The following CSMD3 variants were observed in gnomAD, a reference collection of about 807,000 sequenced individuals.
CSMD3 encodes the protein CUB and Sushi multiple domains 3.
In CSMD3, 177 loss-of-function variants were observed where a neutral mutation model predicts 435.2. The observed-to-expected ratio is 0.41, with a 90% CI of 0.36 to 0.46. CSMD3 has a LOEUF of 0.46. Among genes scored for constraint, CSMD3 ranks in the 20% least tolerant of loss-of-function variants. The pLI is 0.34. For missense variants in CSMD3, 4,265 were observed against 4,504.6 expected, an observed-to-expected ratio of 0.95 and a Z score of 1.52; for synonymous variants, 1,656 against 1,520.5, an observed-to-expected ratio of 1.09 and a Z score of -2.07.
At chr8:112,943,119 T>C (rs1230007035) in intron 9 of CSMD3, among the ~76,000 whole-genome samples, 2 of 151,742 alleles carry the variant, frequency 1.3e-5, no homozygotes, top group African/African-American at 4.8e-5. Flanking sequence ...TGCTGTCTCA[T>C]ATATCTTCTT....
chr8:112,993,071 C>T (rs1215409887), intron 6 of CSMD3, among the ~76,000 whole-genome samples: 2 of 151,600 alleles, frequency 1.3e-5, no homozygotes, highest in Non-Finnish European at 2.9e-5. Context: ...GAGTCAAGAG[C>T]AGGATCCATG....
chr8:113,288,394 A>G (rs2093661318), intron 2 of CSMD3, among the ~76,000 whole-genome samples: 1 of 151,916 alleles, frequency 6.6e-6, no homozygotes, highest in Non-Finnish European at 1.5e-5. Flanking sequence ...TTTGATCTTC[A>G]GGATCAACAT....
At chr8:112,819,797 G>T (rs1327414209) in intron 12 of CSMD3, among the ~76,000 whole-genome samples, 1 of 152,204 alleles carries the variant, frequency 6.6e-6, no homozygotes, top group African/African-American at 2.4e-5. Context: ...TTTATACTTT[G>T]ATAGACTACA....
intron 1 of CSMD3, among the ~76,000 whole-genome samples, chr8:113,353,953 T>G (rs1381989647): frequency 6.6e-6 from 1 of 152,214 alleles, no homozygotes. Context: ...GACATCCTTT[T>G]TGTCTCCTAC....
intron 63 of CSMD3, among the ~76,000 whole-genome samples, chr8:112,249,660 C>T (rs1815086259): frequency 6.6e-6 from 1 of 152,068 alleles, no homozygotes; most frequent in South Asian, 2.1e-4. Context: ...CAAAGGCCTC[C>T]ATAACTGAGA....
intron 41 of CSMD3, among the ~76,000 whole-genome samples, chr8:112,343,091 G>A (rs1228635548): frequency 1.4e-5 from 2 of 141,922 alleles, no homozygotes; most frequent in Admixed American, 1.4e-4. Context: ...AAAGAGTATG[G>A]TTATTAAAAT....
chr8:112,517,990 A>T (rs1000745503), intron 27 of CSMD3, among the ~76,000 whole-genome samples: 4 of 152,190 alleles, frequency 2.6e-5, no homozygotes, highest in Non-Finnish European at 5.9e-5. Context: ...TTTATCCATA[A>T]TTGCTAATAA....
At chr8:112,380,554 A>C in intron 37 of CSMD3, 98 bp from the exon 38 acceptor site, 1 of 720,704 alleles carries the variant, frequency 1.4e-6, no homozygotes, top group South Asian at 1.5e-5. Flanking sequence ...TACCACTAAA[A>C]ATATGCATTA....
chr8:112,429,434 G>A (rs1563935266), intron 32 of CSMD3, among the ~76,000 whole-genome samples: 2 of 151,420 alleles, frequency 1.3e-5, no homozygotes, highest in African/African-American at 2.4e-5. Context: ...AAGCAAAAAA[G>A]ATATATATAT....
intron 3 of CSMD3, among the ~76,000 whole-genome samples, chr8:113,233,703 T>C (rs2093115990): frequency 6.6e-6 from 1 of 151,618 alleles, no homozygotes; most frequent in African/African-American, 2.4e-5. Context: ...TAAGAAAAGT[T>C]GAGAAGGAAA....
chr8:112,911,978 T>C (rs2082432351), intron 10 of CSMD3, among the ~76,000 whole-genome samples: 1 of 149,580 alleles, frequency 6.7e-6, no homozygotes, highest in Non-Finnish European at 1.5e-5. Context: ...ATTGCTTTTA[T>C]ACCTTCCTTT....
At position 112,311,029 on chromosome 8, in the gene CSMD3, T is replaced by G; in HGVS notation, c.7834A>C (p.Lys2612Gln). The G allele has an allele frequency of 6.2e-7, 1 of 1,614,110 alleles. No homozygotes were observed. The highest frequency in any genetic ancestry group is 8.5e-7 in the Non-Finnish European group (1 of 1,180,016). ...CATGCATGATACCCATAGGAAGACT[T>G]TCTGCACACAGCACTGCTTTTTCCA... ...LVGKSSAVCRKSSYGYHAWDA... is the reference protein window; with the variant it reads ...LVGKSSAVCRQSSYGYHAWDA... Residue 2612 changes from lysine to glutamine, a missense_variant, in exon 50 of 71, where the codon AAG becomes CAG. This residue lies in a region of CSMD3 where 3,255 missense variants were observed against 3,380.2 expected (regional missense o/e 0.96). Transcript: ENST00000297405.
At chr8:113,167,991 G>A (rs958287279) in intron 4 of CSMD3, among the ~76,000 whole-genome samples, 4 of 152,096 alleles carry the variant, frequency 2.6e-5, no homozygotes, top group Admixed American at 6.6e-5. Context: ...GTTTGAAAAT[G>A]AACTCAGTCA....
Position 113,205,197 on chromosome 8 carries a change from G to T in CSMD3, c.515-31281C>A, listed in dbSNP as rs538111717. ...GGGGTTTCACCATGTTGGCCAGGCT[G>T]GTCTCTAACTCCTGACCTCAGGTGA... On this transcript the variant is annotated intron_variant, in intron 3 of 70. Transcript: ENST00000297405. Among the ~76,000 whole-genome samples the T allele has an allele frequency of 1.3e-3, 203 of 152,216 alleles. 1 individual carries two copies. The highest frequency in any genetic ancestry group is 4.7e-3 in the African/African-American group (197 of 41,558).
chr8:112,966,062 A>T (rs1307059209), intron 7 of CSMD3, among the ~76,000 whole-genome samples: 1 of 151,808 alleles, frequency 6.6e-6, no homozygotes, highest in Admixed American at 6.6e-5. Flanking sequence ...GTATGGCAGG[A>T]TATTGATAAA....
At chr8:112,893,397 T>C in intron 10 of CSMD3, among the ~76,000 whole-genome samples, 1 of 151,476 alleles carries the variant, frequency 6.6e-6, no homozygotes, top group Non-Finnish European at 1.5e-5. Flanking sequence ...AGAGTTCTGA[T>C]TTAAGTGCAA....
intron 35 of CSMD3, 26 bp from the exon 36 acceptor site, chr8:112,390,814 G>T (rs1408583708): frequency 1.2e-6 from 2 of 1,608,746 alleles, no homozygotes; most frequent in Non-Finnish European, 1.7e-6. Context: ...TCCAAGAGAG[G>T]GAGTTAATTC....
chr8:112,495,387 A>G, intron 30 of CSMD3, among the ~76,000 whole-genome samples: 1 of 152,200 alleles, frequency 6.6e-6, no homozygotes, highest in East Asian at 1.9e-4. Context: ...TCAATGTTTC[A>G]ATATAATGTC....
intron 5 of CSMD3, among the ~76,000 whole-genome samples, chr8:113,035,238 TAGGG>T (rs1453214158): frequency 1.3e-5 from 2 of 151,868 alleles, no homozygotes; most frequent in Non-Finnish European, 2.9e-5. Context: ...TAAAGAAAGA[TAGGG>T]AGGAATACAA....
Sources: gnomAD v4.1 joint callset for allele counts (sites outside exome capture counted in the v4.1 genomes callset) on GRCh38, gnomAD v4.1.1 for gene constraint, gnomAD v4.1.1 regional missense constraint, MANE v1.5 for transcripts, NCBI Gene and HGNC (gene_info 2026-07-23, HGNC 2026-07-21) for gene names.